Variants in BCAS3 observed in about 807,000 individuals in gnomAD.
BCAS3 encodes BCAS4/BCAS3 fusion.
A neutral mutation model predicts 116.1 loss-of-function variants in BCAS3; 53 were observed. That is an observed-to-expected ratio of 0.46 (90% CI 0.37 to 0.57). The LOEUF is 0.57. BCAS3 is among the 20% of genes least tolerant of loss of function. BCAS3 has a pLI of 0.00. For synonymous variants in BCAS3, 391 were observed against 408.2 expected, an observed-to-expected ratio of 0.96 and a Z score of 0.51; for missense variants, 917 against 1,165.4, an observed-to-expected ratio of 0.79 and a Z score of 3.10.
intron 22 of BCAS3, among the ~76,000 whole-genome samples, chr17:61,284,306 A>G (rs957829428): frequency 6.6e-6 from 1 of 152,070 alleles, no homozygotes; most frequent in African/African-American, 2.4e-5. Flanking sequence ...CTTCACAATA[A>G]ATCTTGCTGC....
intron 22 of BCAS3, among the ~76,000 whole-genome samples, chr17:61,173,581 A>G (rs1352704368): frequency 1.3e-5 from 2 of 152,184 alleles, no homozygotes; most frequent in Non-Finnish European, 2.9e-5. Context: ...AAAGGTCTCA[A>G]ATCAGTGGCC....
rs552944450 is a variant in BCAS3, at chr17:60,761,775, T to C, written c.403+14496T>C. On this transcript the variant is annotated intron_variant, in intron 6 of 23. Coordinates refer to ENST00000407086, the MANE Select transcript of BCAS3 (RefSeq NM_017679.5). ...TTCTAGTTCTAGATCCTTGAGGAAT[T>C]GCCACACTGTCTTCCACAATGGTTG... Among the ~76,000 whole-genome samples, 32 of 141,118 alleles carry C rather than the reference T, an allele frequency of 2.3e-4. No homozygotes were observed. In the South Asian group the frequency reaches 2.5e-3, roughly 11 times the overall value. 92.6% of individuals were successfully genotyped at this position (141,118 alleles called of 152,430 possible). A position where few individuals can be genotyped will look rare whatever the true frequency, so the allele number is the denominator to read the frequency against.
rs1450172683 is a variant in BCAS3 at position 61,239,014 on chromosome 17, T to A, written c.2426-129313T>A. 6.6e-6 allele frequency among the ~76,000 whole-genome samples: 1 copy of A among 152,168 alleles called. No homozygotes were observed. The highest frequency in any genetic ancestry group is 1.5e-5 in the Non-Finnish European group (1 of 68,028). On this transcript the variant is annotated intron_variant, in intron 22 of 23. Coordinates refer to ENST00000407086, the MANE Select transcript of BCAS3 (RefSeq NM_017679.5). This position sits in a 1 kb window ranked among gnomAD's most constrained non-coding sequence, Gnocchi z 4.2. ...CAAAATGCTTGGGTACCTAAGATTTTTTTAATTTGTTCGTGTATATTTTTA... is the reference window on the plus strand; with the variant it reads ...CAAAATGCTTGGGTACCTAAGATTTATTTAATTTGTTCGTGTATATTTTTA...
At chr17:61,107,262 T>C (rs1014063650) in intron 22 of BCAS3, among the ~76,000 whole-genome samples, 9 of 151,928 alleles carry the variant, frequency 5.9e-5, no homozygotes, top group Admixed American at 5.9e-4. Context: ...AATTTTTGTA[T>C]TTTTAGTAGA....
chr17:61,254,995 G>A (rs956355878), intron 22 of BCAS3, among the ~76,000 whole-genome samples: 1 of 152,024 alleles, frequency 6.6e-6, no homozygotes, highest in Non-Finnish European at 1.5e-5. Flanking sequence ...AAACAGCCCT[G>A]TTGTGTCATC....
intron 7 of BCAS3, chr17:60,811,134 C>T (rs2048775057): frequency 1.6e-6 from 1 of 630,928 alleles, no homozygotes; most frequent in Admixed American, 2.1e-5. Context: ...TGCAGAACAG[C>T]CTGAGGGAGG....
At position 61,077,334 on chromosome 17, in the gene BCAS3, G is replaced by A. The variant is rs932588095; in HGVS notation, c.2131-999G>A. Reference sequence around the variant, plus strand: ...AGACCAAGACCATCCTGGCTAACACGGTGAAACCCCGTCTCTACTAAAAAT... The same window carrying A: ...AGACCAAGACCATCCTGGCTAACACAGTGAAACCCCGTCTCTACTAAAAAT... On this transcript the variant is annotated intron_variant, in intron 20 of 23. Transcript: ENST00000407086. The surrounding 1 kb of genome is among the most constrained non-coding windows in gnomAD (Gnocchi z 4.3). Among the ~76,000 whole-genome samples the A allele has an allele frequency of 6.6e-6, 1 of 152,028 alleles. No homozygotes were observed. Among genetic ancestry groups the A allele is most frequent in the East Asian group, 1.9e-4 (1 of 5,182 alleles).
At chr17:60,755,166 A>G (rs182137860) in intron 6 of BCAS3, among the ~76,000 whole-genome samples, 110 of 152,332 alleles carry the variant, frequency 7.2e-4, no homozygotes, top group Non-Finnish European at 9.8e-4. Flanking sequence ...TTTTAGGTAT[A>G]GGAAATTGAT....
chr17:61,119,347 CACCT>C (rs1362678526), intron 22 of BCAS3, among the ~76,000 whole-genome samples: 1 of 152,094 alleles, frequency 6.6e-6, no homozygotes, highest in Non-Finnish European at 1.5e-5. Context: ...GTAAAAGAAT[CACCT>C]ACCATGACCA....
intron 6 of BCAS3, among the ~76,000 whole-genome samples, chr17:60,771,464 A>G (rs1030078310): frequency 7.9e-5 from 12 of 152,356 alleles, no homozygotes; most frequent in South Asian, 2.1e-4. Context: ...CCTTAAATCA[A>G]ATCAAACTTT....
chr17:61,143,511 A>G (rs970309847), intron 22 of BCAS3, among the ~76,000 whole-genome samples: 5 of 152,222 alleles, frequency 3.3e-5, no homozygotes, highest in Admixed American at 2.0e-4. Flanking sequence ...TTGCAAATAC[A>G]TTCTAAAATA....
chr17:60,854,509 AC>A (rs1404029188), intron 7 of BCAS3, among the ~76,000 whole-genome samples: 1 of 152,202 alleles, frequency 6.6e-6, no homozygotes, highest in African/African-American at 2.4e-5. Context: ...CAAGAAAAAA[AC>A]AACCCCATCA....
chr17:61,349,013 A>G lies in BCAS3; in HGVS notation c.2426-19314A>G, dbSNP rs1016404325. ...ATGATCCACCCACCTCAGCCTCCCA[A>G]AGTGCTGGGATTACAGGCGTGAGCC... On this transcript the variant is annotated intron_variant, in intron 22 of 23. Coordinates refer to ENST00000407086, the MANE Select transcript of BCAS3 (RefSeq NM_017679.5). The surrounding 1 kb of genome is among the most constrained non-coding windows in gnomAD (Gnocchi z 4.7). Among the ~76,000 whole-genome samples the G allele has an allele frequency of 6.6e-6, 1 of 151,206 alleles. No homozygotes were observed. Among genetic ancestry groups the G allele is most frequent in the African/African-American group, 2.4e-5 (1 of 41,074 alleles).
chr17:60,740,753 A>G (rs2041471031), intron 5 of BCAS3, among the ~76,000 whole-genome samples: 4 of 152,120 alleles, frequency 2.6e-5, no homozygotes, highest in African/African-American at 9.7e-5. Context: ...TTCCCCAGGT[A>G]GGTTAAGCTC....
intron 15 of BCAS3, among the ~76,000 whole-genome samples, chr17:60,992,301 A>G (rs2063578547): frequency 6.6e-6 from 1 of 152,060 alleles, no homozygotes; most frequent in Admixed American, 6.6e-5. Flanking sequence ...TTGTAACTCA[A>G]AAAAATGGGA....
intron 6 of BCAS3, among the ~76,000 whole-genome samples, chr17:60,763,380 A>C (rs1237156626): frequency 6.6e-6 from 1 of 152,140 alleles, no homozygotes; most frequent in East Asian, 1.9e-4. Flanking sequence ...ATCATTACCT[A>C]GTTTATTGAG....
chr17:61,253,848 C>T (rs774574662), intron 22 of BCAS3, among the ~76,000 whole-genome samples: 19 of 152,020 alleles, frequency 1.2e-4, no homozygotes, highest in Non-Finnish European at 2.1e-4. Flanking sequence ...TCGGCCTCCA[C>T]GGTTTACATG....
chr17:61,059,062 TC>T (rs2069696339), intron 19 of BCAS3, among the ~76,000 whole-genome samples: 4 of 114,918 alleles, frequency 3.5e-5, no homozygotes, highest in Admixed American at 9.0e-5. Context: ...TTTCTCCCCA[TC>T]TTTTTTTTTT....
At chr17:61,035,751 C>G (rs935955413) in intron 17 of BCAS3, among the ~76,000 whole-genome samples, 1 of 151,986 alleles carries the variant, frequency 6.6e-6, no homozygotes, top group Non-Finnish European at 1.5e-5. Flanking sequence ...GTACGGAGCC[C>G]TATATGGTAC....
Sources: gnomAD v4.1 joint callset for allele counts (sites outside exome capture counted in the v4.1 genomes callset) on GRCh38, gnomAD v4.1.1 for gene constraint, Gnocchi (gnomAD v3.1) non-coding constraint, MANE v1.5 for transcripts, NCBI Gene and HGNC (gene_info 2026-07-23, HGNC 2026-07-21) for gene names.